ANKS6: variants seen among roughly 807,000 people sequenced by gnomAD.
The protein encoded by ANKS6 is ankyrin repeat and SAM domain-containing protein 6.
Under a neutral mutation model 77.9 loss-of-function variants are expected in ANKS6, and 47 were observed. The observed-to-expected ratio is 0.60, with a 90% confidence interval of 0.48 to 0.77. The LOEUF is 0.77. Among genes scored for constraint, ANKS6 ranks in the 30% least tolerant of loss-of-function variants. The pLI is 0.00. For synonymous variants in ANKS6, 488 were observed against 501.7 expected (o/e 0.97, Z 0.37); for missense variants, 1,150 against 1,159.1 (o/e 0.99, Z 0.11).
intron 1 of ANKS6, 176 bp downstream of exon 1, chr9:98,795,956 CA>C (rs1426534469): frequency 1.6e-6 from 1 of 626,262 alleles, no homozygotes; most frequent in East Asian, 3.5e-5. Flanking sequence ...TATGTTAATT[CA>C]AAAGTGTTTC....
Position 98,733,500 on chromosome 9 carries a change from T to C in ANKS6, c.*3019A>G, listed in dbSNP as rs1831316231. ...ATGTCCCACTGCCAAGCAGGCCACC[T>C]CTGCAGAGCTGCTGGGGAGAAAAAG... is the stretch of plus-strand genomic sequence containing the variant. On this transcript the variant is annotated 3_prime_UTR_variant, in exon 15 of 15. Transcript: ENST00000353234. 3.0e-6 allele frequency: 3 copies of C among 985,472 alleles called. No individual in the cohort carries two copies. The highest frequency in any genetic ancestry group is 3.6e-6 in the Non-Finnish European group (3 of 829,976). 61.0% of individuals were successfully genotyped at this position (985,472 alleles called of 1,614,324 possible).
At chr9:98,769,082 G>A (rs1194401442) in intron 10 of ANKS6, among the ~76,000 whole-genome samples, 3 of 148,122 alleles carry the variant, frequency 2.0e-5, no homozygotes, top group East Asian at 2.0e-4. Context: ...AGTGAAGATC[G>A]CACCACTGCA....
intron 12 of ANKS6, among the ~76,000 whole-genome samples, chr9:98,753,064 G>GATGTATACA (rs1309693962): frequency 6.6e-6 from 1 of 151,982 alleles, no homozygotes; most frequent in Non-Finnish European, 1.5e-5. Context: ...TCGGGGGAAG[G>GATGTATACA]TGTATGCATG....
At chr9:98,784,314 C>G (rs1002064720) in intron 3 of ANKS6, 157 bp from the exon 4 acceptor site, 1 of 606,510 alleles carries the variant, frequency 1.6e-6, no homozygotes, top group African/African-American at 1.9e-5. Flanking sequence ...CAGAGATAGC[C>G]CCGACTCTTA....
chr9:98,734,521 C>T lies in ANKS6; in HGVS notation c.*1998G>A. On this transcript the variant is annotated 3_prime_UTR_variant, in exon 15 of 15. Transcript: ENST00000353234. ...TAGGCCTACTGTTAACCCCTGAAGC[C>T]ATCAGTAAATTAAAACAAGAATCAC... is the stretch of plus-strand genomic sequence containing the variant. The T allele has an allele frequency of 1.0e-6, 1 of 985,406 alleles. No individual in the cohort carries two copies. Among genetic ancestry groups the T allele is most frequent in the South Asian group, 4.7e-5 (1 of 21,288 alleles). The allele number at this position is 985,406 out of a possible 1,614,324, so 61.0% of individuals were successfully genotyped here.
intron 2 of ANKS6, among the ~76,000 whole-genome samples, chr9:98,785,193 A>C (rs73655504): frequency 6.6e-6 from 1 of 152,228 alleles, no homozygotes. Context: ...GATATACTGA[A>C]AAGTCTTGGG....
intron 11 of ANKS6, 27 bp downstream of exon 11, chr9:98,768,054 C>T (rs1348042633): frequency 1.3e-6 from 2 of 1,584,932 alleles, no homozygotes; most frequent in Non-Finnish European, 1.7e-6. Flanking sequence ...GTGAGTGTAA[C>T]AGGAGGAGGC....
intron 11 of ANKS6, among the ~76,000 whole-genome samples, chr9:98,765,535 C>G (rs1463931774): frequency 6.6e-6 from 1 of 152,228 alleles, no homozygotes; most frequent in African/African-American, 2.4e-5. Context: ...CCTCAGCCAC[C>G]AGCCAGGTGA....
chr9:98,734,990 C>T lies in ANKS6; in HGVS notation c.*1529G>A, dbSNP rs1490479264. ...GAGGCTCTGGGCAGTAAGTTAACGA[C>T]AGCCTCTGAAAGCCAGCATAGGGGA... On this transcript the variant is annotated 3_prime_UTR_variant, in exon 15 of 15. Transcript: ENST00000353234. 6 of 985,448 alleles carry T rather than the reference C, an allele frequency of 6.1e-6. No individual in the cohort carries two copies. The highest frequency in any genetic ancestry group is 7.2e-6 in the Non-Finnish European group (6 of 829,952). 61.0% of individuals were successfully genotyped at this position (985,448 alleles called of 1,614,324 possible).
chr9:98,779,376 T>A (rs1834101896), intron 6 of ANKS6, among the ~76,000 whole-genome samples: 1 of 152,148 alleles, frequency 6.6e-6, no homozygotes, highest in Non-Finnish European at 1.5e-5. Flanking sequence ...TCAGCAAATA[T>A]CCTGCACAGT....
intron 12 of ANKS6, 53 bp downstream of exon 12, chr9:98,756,367 A>G (rs1832700219): frequency 7.6e-6 from 12 of 1,576,040 alleles, no homozygotes; most frequent in Non-Finnish European, 8.6e-6. Context: ...CCTTGCTGCC[A>G]GGTCATCATG....
intron 11 of ANKS6, among the ~76,000 whole-genome samples, chr9:98,760,518 T>A (rs1223938646): frequency 6.6e-6 from 1 of 152,182 alleles, no homozygotes; most frequent in Non-Finnish European, 1.5e-5. Context: ...TGACATCACT[T>A]TGGAGATTCT....
chr9:98,790,048 C>A, intron 2 of ANKS6, 56 bp downstream of exon 2: 1 of 1,515,688 alleles, frequency 6.6e-7, no homozygotes, highest in Non-Finnish European at 8.9e-7. Context: ...TCAGCTTAAG[C>A]CACATAAACA....
At chr9:98,795,480 T>C (rs1835124174) in intron 1 of ANKS6, among the ~76,000 whole-genome samples, 1 of 152,142 alleles carries the variant, frequency 6.6e-6, no homozygotes, top group Non-Finnish European at 1.5e-5. Flanking sequence ...CAGGGAGGAC[T>C]AGTACATCAT....
rs746426087 is a variant in ANKS6, at chr9:98,790,200, C to T, written c.766G>A (p.Val256Met). ...ACCTCGAAGGCGGTCTTCTCCAGCA[C>T]GCTGAGGTGGTCAGGGTTGGCGCCC... ...EKGANPDHLS[V>M]LEKTAFEVAL... Residue 256 changes from valine to methionine, a missense_variant, in exon 2 of 15, where the codon GTG becomes ATG. Physicochemically the swap from Val to Met is conservative, Grantham distance 21. Transcript: ENST00000353234. 21 of 1,605,964 alleles carry T rather than the reference C, an allele frequency of 1.3e-5. No individual in the cohort carries two copies. The highest frequency in any genetic ancestry group is 1.6e-4 in the Middle Eastern group (1 of 6,070).
At chr9:98,740,416 T>A (rs1831759704) in intron 14 of ANKS6, among the ~76,000 whole-genome samples, 1 of 152,218 alleles carries the variant, frequency 6.6e-6, no homozygotes, top group Admixed American at 6.5e-5. Flanking sequence ...TACCACTGAT[T>A]AGCGCCAGGA....
intron 7 of ANKS6, 25 bp from the exon 8 acceptor site, chr9:98,777,479 G>C: frequency 6.2e-7 from 1 of 1,613,270 alleles, no homozygotes; most frequent in Non-Finnish European, 8.5e-7. Context: ...GAAATTTCCT[G>C]AAATGACCCC....
chr9:98,783,335 A>G (rs1834386423), intron 4 of ANKS6, among the ~76,000 whole-genome samples: 1 of 152,154 alleles, frequency 6.6e-6, no homozygotes, highest in Non-Finnish European at 1.5e-5. Context: ...ATGACACAGG[A>G]AAGTGATCTG....
chr9:98,743,455 C>A (rs568611797), intron 14 of ANKS6, among the ~76,000 whole-genome samples: 23 of 152,296 alleles, frequency 1.5e-4, no homozygotes, highest in African/African-American at 5.3e-4. Context: ...CACTACAGGG[C>A]CTTTGCACAT....
Sources: allele counts gnomAD v4.1 joint callset (sites outside exome capture counted in the v4.1 genomes callset), GRCh38; gene constraint gnomAD v4.1.1; transcripts MANE v1.5; gene names NCBI Gene and HGNC (gene_info 2026-07-23, HGNC 2026-07-21).